The following SLC12A2 variants were observed in gnomAD, a reference collection of about 807,000 sequenced individuals.
The protein encoded by SLC12A2 is Na-K-2Cl cotransporter 1.
Under a neutral mutation model 136.3 loss-of-function variants are expected in SLC12A2, and 67 were observed. The observed-to-expected ratio is 0.49, with a 90% confidence interval of 0.40 to 0.60. SLC12A2 has a LOEUF of 0.60. Ranked by LOEUF, SLC12A2 falls within the 20% of genes least tolerant of loss-of-function variation. The probability of loss-of-function intolerance (pLI) is 0.00; values close to 1 mark genes in which losing one functional copy is unlikely to be tolerated. For missense variants in SLC12A2, 1,322 were observed against 1,534.7 expected (o/e 0.86, Z 2.32); for synonymous variants, 619 against 562.9 (o/e 1.10, Z -1.41).
chr5:128,185,720 A>G (rs1313138937), intron 26 of SLC12A2, among the ~76,000 whole-genome samples: 1 of 152,214 alleles, frequency 6.6e-6, no homozygotes, highest in African/African-American at 2.4e-5. Flanking sequence ...AAATTTTGAT[A>G]GTAAACATAC....
rs1271697920 is a variant in SLC12A2, at chr5:128,131,147, G to A, written c.1129G>A (p.Ala377Thr). Reference protein sequence around the residue: ...AIGLIFAFANAVAVAMYVVGF... With the variant: ...AIGLIFAFANTVAVAMYVVGF... ...TGGTCTAATCTTCGCCTTTGCCAACGCTGTTGCAGTTGCTATGTATGTGGT... is the reference window on the plus strand; with the variant it reads ...TGGTCTAATCTTCGCCTTTGCCAACACTGTTGCAGTTGCTATGTATGTGGT... The change falls in exon 5 of 27, where the codon GCT (alanine) becomes ACT (threonine). Residue 377 changes from alanine (A) to threonine (T), a missense_variant. Coordinates refer to ENST00000262461, the MANE Select transcript of SLC12A2 (RefSeq NM_001046.3). 5.0e-6 allele frequency: 8 copies of A among 1,613,978 alleles called. No homozygotes were observed. The highest frequency in any genetic ancestry group is 2.7e-5 in the African/African-American group (2 of 74,912).
At chr5:128,178,416 T>G (rs1194558961) in intron 21 of SLC12A2, 151 bp from the exon 22 acceptor site, 17 of 449,480 alleles carry the variant, frequency 3.8e-5, no homozygotes, top group Non-Finnish European at 6.1e-5. Flanking sequence ...TATAAACAAC[T>G]GAAAGTTTAT....
In SLC12A2 at chr5:128,188,826, T is replaced by C. The variant is rs1763950986; in HGVS notation, c.*2195T>C. The C allele has an allele frequency of 1.3e-5, 2 of 151,980 alleles. No homozygotes were observed. Among genetic ancestry groups the C allele is most frequent in the Admixed American group, 1.3e-4 (2 of 15,206 alleles). The allele number at this position is 151,980 out of a possible 1,614,324, so 9.4% of individuals were successfully genotyped here. A position where few individuals can be genotyped will look rare whatever the true frequency, so the allele number is the denominator to read the frequency against. On this transcript the variant is annotated 3_prime_UTR_variant, in exon 27 of 27. Transcript: ENST00000262461. Reference sequence around the variant, plus strand: ...TGTTTGGGGGTAAAGACAGTAGAAATATTATTCAGTAAACAATAATGTGTG... The same window carrying C: ...TGTTTGGGGGTAAAGACAGTAGAAACATTATTCAGTAAACAATAATGTGTG...
intron 24 of SLC12A2, 25 bp from the exon 25 acceptor site, chr5:128,184,341 T>C (rs767135687): frequency 3.6e-6 from 5 of 1,386,396 alleles, no homozygotes; most frequent in Admixed American, 5.0e-5. Flanking sequence ...AGATTAGTTG[T>C]CAGTATTCTT....
chr5:128,088,131 A>G (rs997883494), intron 1 of SLC12A2, among the ~76,000 whole-genome samples: 6 of 151,916 alleles, frequency 3.9e-5, no homozygotes, highest in African/African-American at 1.2e-4. Context: ...AGAGTGGTAG[A>G]TAAGAGAACA....
At chr5:128,159,902 G>A (rs1284101016) in intron 16 of SLC12A2, among the ~76,000 whole-genome samples, 1 of 152,140 alleles carries the variant, frequency 6.6e-6, no homozygotes, top group African/African-American at 2.4e-5. Flanking sequence ...ATACCCAAAG[G>A]ATTGTAAATC....
At chr5:128,111,427 C>T (rs905770016) in intron 1 of SLC12A2, among the ~76,000 whole-genome samples, 4 of 152,234 alleles carry the variant, frequency 2.6e-5, no homozygotes, top group Admixed American at 6.5e-5. Context: ...GTAGATTTTG[C>T]ACTGTGGTAG....
At chr5:128,169,077 T>C (rs1234180836) in intron 18 of SLC12A2, 1 of 152,180 alleles carries the variant, frequency 6.6e-6, no homozygotes, top group Non-Finnish European at 1.5e-5. Flanking sequence ...CTTCTTTTCC[T>C]ACTATTCTAA....
At chr5:128,161,863 T>G in intron 17 of SLC12A2, 63 bp downstream of exon 17, 1 of 1,132,744 alleles carries the variant, frequency 8.8e-7, no homozygotes, top group Non-Finnish European at 1.2e-6. Context: ...TTTAAAACTT[T>G]TTAATTCTAG....
At chr5:128,150,159 C>A in intron 13 of SLC12A2, 61 bp downstream of exon 13, 1 of 1,084,418 alleles carries the variant, frequency 9.2e-7, no homozygotes. Context: ...GAAAATAAAA[C>A]TTTTGCCACA....
Position 128,171,958 on chromosome 5 carries a change from A to G in SLC12A2, c.2803+212A>G, listed in dbSNP as rs188384421. On this transcript the variant is annotated intron_variant, in intron 19 of 26. Transcript: ENST00000262461. ...TGGATGATGGTTAGTGATTATTTGG[A>G]TTGAATAAAATTCAATCCAAAGCAT... 110 of 386,260 alleles carry G rather than the reference A, an allele frequency of 2.8e-4. No homozygotes were observed. The East Asian group carries it at 4.2e-3, about 15-fold the overall frequency. 23.9% of individuals were successfully genotyped at this position (386,260 alleles called of 1,614,324 possible).
chr5:128,182,346 T>G (rs1029036069), intron 23 of SLC12A2, among the ~76,000 whole-genome samples: 1 of 152,144 alleles, frequency 6.6e-6, no homozygotes, highest in African/African-American at 2.4e-5. Context: ...TCAGGCTTGT[T>G]GATGATCCTT....
intron 6 of SLC12A2, among the ~76,000 whole-genome samples, 181 bp from the exon 7 acceptor site, chr5:128,135,517 CTT>C (rs1217352615): frequency 2.0e-5 from 3 of 151,990 alleles, no homozygotes; most frequent in African/African-American, 7.2e-5. Flanking sequence ...TTAAAGATCT[CTT>C]TGTTCATTAA....
At chr5:128,174,484 T>G in intron 19 of SLC12A2, 57 bp from the exon 20 acceptor site, 1 of 1,326,976 alleles carries the variant, frequency 7.5e-7, no homozygotes, top group Admixed American at 2.2e-5. Context: ...CCATAATGCC[T>G]TATTTAACAG....
At chr5:128,180,704 G>A (rs983614888) in intron 22 of SLC12A2, among the ~76,000 whole-genome samples, 179 bp from the exon 23 acceptor site, 3 of 152,154 alleles carry the variant, frequency 2.0e-5, no homozygotes, top group South Asian at 4.1e-4. Flanking sequence ...ATCAGACTCC[G>A]TTAGGAGTCC....
chr5:128,166,264 G>T (rs537124241), intron 17 of SLC12A2, among the ~76,000 whole-genome samples: 1 of 152,066 alleles, frequency 6.6e-6, no homozygotes, highest in East Asian at 1.9e-4. Flanking sequence ...ATAAATATGA[G>T]AGCAAAACCC....
At chr5:128,174,762 G>A in intron 20 of SLC12A2, 96 bp downstream of exon 20, 1 of 1,025,900 alleles carries the variant, frequency 9.7e-7, no homozygotes, top group South Asian at 2.0e-5. Context: ...AAAATAACCT[G>A]TTCTCAAACT....
chr5:128,117,236 A>G (rs1761382820), intron 4 of SLC12A2, among the ~76,000 whole-genome samples: 3 of 152,212 alleles, frequency 2.0e-5, no homozygotes, highest in Admixed American at 6.5e-5. Context: ...TTTCATATCA[A>G]AAGGACCTAA....
chr5:128,097,632 T>C (rs1760592979), intron 1 of SLC12A2, among the ~76,000 whole-genome samples: 1 of 152,106 alleles, frequency 6.6e-6, no homozygotes, highest in African/African-American at 2.4e-5. Context: ...GTGGTTACTT[T>C]GAATATCATT....
Sources: gnomAD v4.1 joint callset for allele counts (sites outside exome capture counted in the v4.1 genomes callset) on GRCh38, gnomAD v4.1.1 for gene constraint, MANE v1.5 for transcripts, NCBI Gene and HGNC (gene_info 2026-07-23, HGNC 2026-07-21) for gene names.